Variants in NBPF11 observed in about 807,000 individuals in gnomAD.
The protein encoded by NBPF11 is NBPF member 11.
In NBPF11, 72 loss-of-function variants were observed where a neutral mutation model predicts 93.9. The observed-to-expected ratio is 0.77, with a 90% CI of 0.63 to 0.93. The LOEUF (loss-of-function observed/expected upper bound fraction) is 0.93, where lower values mean the gene tolerates loss of function less well. NBPF11 is among the 40% of genes least tolerant of loss of function. The probability of loss-of-function intolerance (pLI) is 0.00; values close to 1 mark genes in which losing one functional copy is unlikely to be tolerated. For synonymous variants in NBPF11, 224 were observed against 304.9 expected, an observed-to-expected ratio of 0.73 and a Z score of 2.76; for missense variants, 705 against 802.2, an observed-to-expected ratio of 0.88 and a Z score of 1.46.
At position 148,108,475 on chromosome 1, in the gene NBPF11, T is replaced by C. The variant is rs1304743647; in HGVS notation, c.2026+7A>G. 3.3e-6 allele frequency: 5 copies of C among 1,520,770 alleles called. No individual in the cohort carries two copies. In the East Asian group the frequency reaches 1.1e-4, roughly 35 times the overall value. The allele number at this position is 1,520,770 out of a possible 1,614,324, so 94.2% of individuals were successfully genotyped here. ...GATCCTTATCACCTTCATAGAAAGGTACTCACCATCCATGTCAACAGCCAA... is the reference window on the plus strand; with the variant it reads ...GATCCTTATCACCTTCATAGAAAGGCACTCACCATCCATGTCAACAGCCAA... On this transcript the variant is annotated splice_region_variant and intron_variant, in intron 18 of 23. Transcript: ENST00000682118.
At chr1:148,134,907 C>T (rs1190501494) in intron 4 of NBPF11, among the ~76,000 whole-genome samples, 1 of 151,984 alleles carries the variant, frequency 6.6e-6, no homozygotes, top group Non-Finnish European at 1.5e-5. Flanking sequence ...ACAGAGCCCA[C>T]AAGCCTCAAC....
At chr1:148,129,563 T>C (rs2149260924) in intron 4 of NBPF11, 1 of 158,200 alleles carries the variant, frequency 6.3e-6, no homozygotes, top group Admixed American at 6.5e-5. Context: ...GGACCCACCT[T>C]CCATCTGTGC....
At chr1:148,112,142 T>G (rs1665431380) in intron 15 of NBPF11, among the ~76,000 whole-genome samples, 1 of 127,956 alleles carries the variant, frequency 7.8e-6, no homozygotes. Flanking sequence ...TTATTATTTT[T>G]TGTGTGTATG....
At chr1:148,126,798 A>G in intron 5 of NBPF11, 31 bp downstream of exon 5, 1 of 1,601,054 alleles carries the variant, frequency 6.2e-7, no homozygotes, top group Non-Finnish European at 8.5e-7. Flanking sequence ...CACATTCATC[A>G]CTTTCATGAT....
rs1278388842 is a variant in NBPF11 at position 148,129,155 on chromosome 1, TTATA to T, written c.-35-2121_-35-2118del. ...ATTTATATATACACATGTATATATATTATATATATATACACATATATACATGTAT... is the reference window on the plus strand; with the variant it reads ...ATTTATATATACACATGTATATATATTATATATACACATATATACATGTAT... On this transcript the variant is annotated intron_variant, in intron 4 of 23. Transcript: ENST00000682118. 9.6e-4 allele frequency among the ~76,000 whole-genome samples: 132 copies of T among 137,862 alleles called. 2 individuals are homozygous for T. Among genetic ancestry groups the T allele is most frequent in the African/African-American group, 3.6e-3 (126 of 34,856 alleles). The allele number at this position is 137,862 out of a possible 152,430, so 90.4% of individuals were successfully genotyped here.
At chr1:148,126,149 C>G (rs1669055376) in intron 5 of NBPF11, among the ~76,000 whole-genome samples, 2 of 151,834 alleles carry the variant, frequency 1.3e-5, no homozygotes, top group East Asian at 3.9e-4. Flanking sequence ...TACAGTTGCC[C>G]GCCACGACGC....
intron 17 of NBPF11, among the ~76,000 whole-genome samples, chr1:148,108,880 C>CAT (rs1664525789): frequency 7.0e-6 from 1 of 143,390 alleles, no homozygotes; most frequent in African/African-American, 2.6e-5. Context: ...CACACACACA[C>CAT]ACACACACAC....
At chr1:148,121,872 A>T (rs1667951322) in intron 9 of NBPF11, among the ~76,000 whole-genome samples, 183 bp downstream of exon 9, 1 of 151,580 alleles carries the variant, frequency 6.6e-6, no homozygotes, top group African/African-American at 2.4e-5. Context: ...CAACTCCTGA[A>T]CTCAAGTCAT....
rs1553273360 is a variant in NBPF11 at position 148,127,046 on chromosome 1, G to A, written c.-35-8C>T. 1.7e-6 allele frequency: 1 copy of A among 576,506 alleles called. No homozygotes were observed. The highest frequency in any genetic ancestry group is 3.0e-6 in the Non-Finnish European group (1 of 333,956). 35.7% of individuals were successfully genotyped at this position (576,506 alleles called of 1,614,324 possible). ...AAGAGGTGGAGTCAGGGACTGGGGA[G>A]AAGAAACCCAAACATATGATGGGTT... On this transcript the variant is annotated splice_polypyrimidine_tract_variant and splice_region_variant and intron_variant, in intron 4 of 23. Coordinates refer to ENST00000682118, the MANE Select transcript of NBPF11 (RefSeq NM_001385469.3).
chr1:148,118,647 T>C lies in NBPF11; in HGVS notation c.1064A>G (p.Glu355Gly), dbSNP rs1337676834. The C allele has an allele frequency of 4.3e-6, 7 of 1,612,994 alleles. No individual in the cohort carries two copies. In the Admixed American group the frequency reaches 1.2e-4, roughly 27 times the overall value. ...ERQFKEEKLA[E>G]QLKQAEELRQ... Reference sequence around the variant, plus strand: ...GAGCTCCTCAGCTTGCTTCAGCTGCTCTGCAAGCTTCTCCTCCTTGAACTG... The same window carrying C: ...GAGCTCCTCAGCTTGCTTCAGCTGCCCTGCAAGCTTCTCCTCCTTGAACTG... The change falls in exon 11 of 24, where the codon GAG becomes GGG. Residue 355 changes from glutamate to glycine, a missense_variant. Physicochemically the swap from Glu to Gly is moderately conservative, Grantham distance 98. This residue lies in a region of NBPF11 where 262 missense variants were observed against 223.1 expected (regional missense o/e 1.17). Coordinates refer to ENST00000682118, the MANE Select transcript of NBPF11 (RefSeq NM_001385469.3).
At chr1:148,127,808 A>C (rs1321761168) in intron 4 of NBPF11, among the ~76,000 whole-genome samples, 1 of 150,482 alleles carries the variant, frequency 6.6e-6, no homozygotes, top group Non-Finnish European at 1.5e-5. Flanking sequence ...ACGCCCGGCT[A>C]ATTTTTCTTT....
chr1:148,117,838 G>C, intron 11 of NBPF11, 52 bp from the exon 12 acceptor site: 1 of 611,728 alleles, frequency 1.6e-6, no homozygotes, highest in Admixed American at 3.0e-5. Context: ...TGAGTGATCC[G>C]TTCAAATATT....
In NBPF11 at chr1:148,145,703, AC is replaced by A. The variant is rs1309425202; in HGVS notation, c.-548-2018del. ...GTATCGGGCTATGCAACATGGCAAA[AC>A]CCCATGTCTAGTAAAAATACAAAAA... On this transcript the variant is annotated intron_variant, in intron 1 of 23. Coordinates refer to ENST00000682118, the MANE Select transcript of NBPF11 (RefSeq NM_001385469.3). 8.6e-5 allele frequency among the ~76,000 whole-genome samples: 13 copies of A among 151,420 alleles called. No homozygotes were observed. The East Asian group carries it at 2.6e-3, about 30-fold the overall frequency.
At chr1:148,108,210 G>T (rs1218283832) in intron 18 of NBPF11, among the ~76,000 whole-genome samples, 3 of 151,260 alleles carry the variant, frequency 2.0e-5, no homozygotes, top group Non-Finnish European at 4.4e-5. Context: ...AGAGTTGTGT[G>T]AATTTGTCAC....
chr1:148,149,078 G>A (rs1280276708), intron 1 of NBPF11: 14 of 1,257,986 alleles, frequency 1.1e-5, no homozygotes, highest in East Asian at 5.1e-5. Context: ...GGTCGCATCC[G>A]GAGCTGGGCC....
chr1:148,103,905 T>C lies in NBPF11; in HGVS notation c.2589A>G (p.Ala863=), dbSNP rs1222300007. The C allele has an allele frequency of 9.6e-5, 155 of 1,610,772 alleles. 1 individual carries two copies. The highest frequency in any genetic ancestry group is 9.0e-4 in the Middle Eastern group (4 of 4,454). Residue 863 remains alanine, a synonymous_variant, in exon 24 of 24, where the codon GCA becomes GCG. Coordinates refer to ENST00000682118, the MANE Select transcript of NBPF11 (RefSeq NM_001385469.3). ...KIKTHHAPGS[A]AC ...GGCACTTCCACTTCCATCAGCACGC[T>C]GCTGAGCCTGGAAAAGGAGACAAAA...
Position 148,124,945 on chromosome 1 carries a change from T to C in NBPF11, c.232A>G (p.Lys78Glu), listed in dbSNP as rs782095440. 1.9e-6 allele frequency: 3 copies of C among 1,609,726 alleles called. No homozygotes were observed. The highest frequency in any genetic ancestry group is 1.3e-5 in the African/African-American group (1 of 74,930). The change falls in exon 6 of 24, where the codon AAG becomes GAG. Residue 78 changes from lysine (K) to glutamate (E), a missense_variant. Physicochemically the swap from Lys to Glu is moderately conservative, Grantham distance 56. Coordinates refer to ENST00000682118, the MANE Select transcript of NBPF11 (RefSeq NM_001385469.3). ...AGCTGCTCTGCAAGCTTCTCCTCCT[T>C]GAACTGTCGCTCATTCCTCAGCATA... is the stretch of plus-strand genomic sequence containing the variant. ...KFMLRNERQF[K>E]EEKLAEQLKQ...
At chr1:148,123,126 G>A (rs1431032010) in intron 7 of NBPF11, among the ~76,000 whole-genome samples, 2 of 152,030 alleles carry the variant, frequency 1.3e-5, no homozygotes, top group Non-Finnish European at 2.9e-5. Flanking sequence ...CCAGGAACAG[G>A]CTTGGTGTCC....
Position 148,103,418 on chromosome 1 carries a change from T to G in NBPF11, c.*478A>C, listed in dbSNP as rs1662747870. On this transcript the variant is annotated 3_prime_UTR_variant, in exon 24 of 24. Transcript: ENST00000682118. ...GCTACCCAGAGATACGTGGTTCAAA[T>G]TAAAATGTCCGACTGATCACTCCCG... The G allele has an allele frequency of 1.7e-6, 1 of 585,898 alleles. No individual in the cohort carries two copies. The highest frequency in any genetic ancestry group is 1.9e-5 in the African/African-American group (1 of 53,178). 36.3% of individuals were successfully genotyped at this position (585,898 alleles called of 1,614,324 possible).
Sources: gnomAD v4.1 joint callset for allele counts (sites outside exome capture counted in the v4.1 genomes callset) on GRCh38, gnomAD v4.1.1 for gene constraint, gnomAD v4.1.1 regional missense constraint, MANE v1.5 for transcripts, NCBI Gene and HGNC (gene_info 2026-07-23, HGNC 2026-07-21) for gene names.